FLT1: variants seen among roughly 807,000 people sequenced by gnomAD.
FLT1 encodes the protein vascular endothelial growth factor receptor 1.
FLT1 carries 49 observed loss-of-function variants against 156.3 expected under a neutral mutation model. That is an observed-to-expected ratio of 0.31 (90% confidence interval 0.25 to 0.40). The LOEUF (loss-of-function observed/expected upper bound fraction) is 0.40, where lower values mean the gene tolerates loss of function less well. Ranked by LOEUF, FLT1 falls within the 10% of genes least tolerant of loss-of-function variation. FLT1 has a pLI of 1.00. For synonymous variants in FLT1, 594 were observed against 583.8 expected, an observed-to-expected ratio of 1.02 and a Z score of -0.25; for missense variants, 1,322 against 1,637.2, an observed-to-expected ratio of 0.81 and a Z score of 3.32.
chr13:28,322,624 G>GT lies in FLT1; in HGVS notation c.2953+165dup, dbSNP rs1236905611. The GT allele has an allele frequency of 1.3e-6, 1 of 764,432 alleles. No homozygotes were observed. Among genetic ancestry groups the GT allele is most frequent in the African/African-American group, 1.7e-5 (1 of 57,846 alleles). 47.4% of individuals were successfully genotyped at this position (764,432 alleles called of 1,614,324 possible). On this transcript the variant is annotated intron_variant, in intron 21 of 29. Coordinates refer to ENST00000282397, the MANE Select transcript of FLT1 (RefSeq NM_002019.4). The surrounding 1 kb of genome is among the most constrained non-coding windows in gnomAD (Gnocchi z 4.3). ...ACGGTACAGTTCCCTGTCAAAATTA[G>GT]TAACTCTGTAAATTATCTTAATTCA... is the stretch of plus-strand genomic sequence containing the variant.
chr13:28,358,942 A>G (rs1233192506), intron 14 of FLT1, among the ~76,000 whole-genome samples: 1 of 152,140 alleles, frequency 6.6e-6, no homozygotes, highest in Non-Finnish European at 1.5e-5. Flanking sequence ...GTGAAATGAG[A>G]AACGGAAGCA....
chr13:28,385,507 T>A, intron 13 of FLT1: 1 of 1,010,532 alleles, frequency 9.9e-7, no homozygotes, highest in Non-Finnish European at 1.2e-6. Context: ...TACTCAACTG[T>A]CAGTAACCTA....
chr13:28,406,218 G>C (rs938119811), intron 10 of FLT1, among the ~76,000 whole-genome samples: 4 of 152,034 alleles, frequency 2.6e-5, no homozygotes, highest in African/African-American at 4.8e-5. Context: ...ATTCAAACAC[G>C]GAAAAAATGA....
intron 14 of FLT1, among the ~76,000 whole-genome samples, chr13:28,371,440 T>C (rs919667704): frequency 6.6e-6 from 1 of 152,160 alleles, no homozygotes; most frequent in Non-Finnish European, 1.5e-5. Flanking sequence ...GAACCTTCCC[T>C]TTGTCCCGCA....
intron 14 of FLT1, among the ~76,000 whole-genome samples, chr13:28,379,016 C>T (rs1003941642): frequency 2.0e-5 from 3 of 152,006 alleles, no homozygotes; most frequent in African/African-American, 7.3e-5. Context: ...GAATCACTTC[C>T]CTGGAAGGTG....
chr13:28,309,925 T>G (rs887915724), intron 27 of FLT1, among the ~76,000 whole-genome samples: 3 of 129,484 alleles, frequency 2.3e-5, no homozygotes, highest in African/African-American at 5.8e-5. Context: ...AGCCTTGCTC[T>G]GTCACCCAGG....
At position 28,494,967 on chromosome 13, in the gene FLT1, TC is replaced by T; in HGVS notation, c.-125del. 1.4e-6 allele frequency: 1 copy of T among 700,546 alleles called. No individual in the cohort carries two copies. 43.4% of individuals were successfully genotyped at this position (700,546 alleles called of 1,614,324 possible). ...GCGCCCTGAGCGCCCGTCTCGCGGC[TC>T]CAGCCAGGAGACAACCACTTCCCCG... On this transcript the variant is annotated 5_prime_UTR_variant, in exon 1 of 30. Transcript: ENST00000282397.
intron 11 of FLT1, among the ~76,000 whole-genome samples, chr13:28,403,367 G>A (rs1875580864): frequency 6.6e-6 from 1 of 152,058 alleles, no homozygotes; most frequent in Admixed American, 6.6e-5. Flanking sequence ...AGAAAATCTT[G>A]GGACGTTCTT....
intron 10 of FLT1, among the ~76,000 whole-genome samples, chr13:28,411,793 G>T (rs534769143): frequency 6.6e-6 from 1 of 152,134 alleles, no homozygotes; most frequent in African/African-American, 2.4e-5. Flanking sequence ...CCATTGTCTG[G>T]GAATGAATGT....
At chr13:28,472,662 T>C (rs1880239222) in intron 1 of FLT1, among the ~76,000 whole-genome samples, 1 of 152,208 alleles carries the variant, frequency 6.6e-6, no homozygotes, top group Non-Finnish European at 1.5e-5. Context: ...ATATAATTCA[T>C]GAAACATCTG....
At chr13:28,434,364 A>G in intron 4 of FLT1, 144 bp from the exon 5 acceptor site, 3 of 746,830 alleles carry the variant, frequency 4.0e-6, no homozygotes, top group Non-Finnish European at 6.6e-6. Context: ...AACTAGGTTA[A>G]AAACTCTAGT....
At chr13:28,399,233 G>T in intron 11 of FLT1, 3 of 557,646 alleles carry the variant, frequency 5.4e-6, no homozygotes, top group South Asian at 3.8e-5. Context: ...CTCAGATGAA[G>T]CCTTTTTAAG....
intron 12 of FLT1, among the ~76,000 whole-genome samples, chr13:28,393,461 C>G (rs1382107829): frequency 6.6e-6 from 1 of 152,148 alleles, no homozygotes; most frequent in African/African-American, 2.4e-5. Flanking sequence ...CTGCTTGTTT[C>G]AAGTGGATGC....
chr13:28,436,905 G>C (rs1240021556), intron 4 of FLT1, among the ~76,000 whole-genome samples: 1 of 152,130 alleles, frequency 6.6e-6, no homozygotes, highest in Non-Finnish European at 1.5e-5. Flanking sequence ...GTGGAGAGAG[G>C]TTTGATAACT....
rs1593825321 is a variant in FLT1 at position 28,466,142 on chromosome 13, C to T, written c.388+761G>A. Among the ~76,000 whole-genome samples the T allele has an allele frequency of 2.6e-5, 4 of 152,178 alleles. No individual in the cohort carries two copies. The East Asian group carries it at 7.7e-4, about 29-fold the overall frequency. On this transcript the variant is annotated intron_variant, in intron 3 of 29. Coordinates refer to ENST00000282397, the MANE Select transcript of FLT1 (RefSeq NM_002019.4). ...AACAAGGAAGAAGAAAGTGACAGGCCATTTTTATTATTCTTTCTCAGGGTT... is the reference window on the plus strand; with the variant it reads ...AACAAGGAAGAAGAAAGTGACAGGCTATTTTTATTATTCTTTCTCAGGGTT...
At chr13:28,474,519 CACACAA>C (rs1880438292) in intron 1 of FLT1, among the ~76,000 whole-genome samples, 1 of 149,934 alleles carries the variant, frequency 6.7e-6, no homozygotes, top group African/African-American at 2.5e-5. Context: ...CACACACACA[CACACAA>C]ACCCCACAAA....
intron 18 of FLT1, among the ~76,000 whole-genome samples, chr13:28,331,487 G>T (rs1871928773): frequency 6.6e-6 from 1 of 152,200 alleles, no homozygotes; most frequent in African/African-American, 2.4e-5. Flanking sequence ...CTGGAGTGCA[G>T]TGGCGTGATC....
rs1214257658 is a variant in FLT1 at position 28,339,202 on chromosome 13, G to C, written c.2454C>G (p.Ser818Arg). 2.5e-6 allele frequency: 4 copies of C among 1,614,014 alleles called. No individual in the cohort carries two copies. The highest frequency in any genetic ancestry group is 2.5e-6 in the Non-Finnish European group (3 of 1,180,008). Residue 818 changes from serine (S) to arginine (R), a missense_variant, in exon 17 of 30, where the codon AGC becomes AGG. This residue lies in a region of FLT1 where 991 missense variants were observed against 1,254.8 expected (regional missense o/e 0.79). Coordinates refer to ENST00000282397, the MANE Select transcript of FLT1 (RefSeq NM_002019.4). ...EQCERLPYDA[S>R]KWEFARERLK... ...GTCTCTCCCGGGCAAACTCCCACTT[G>C]CTGGCATCATAAGGGAGCCGCTCAC...
chr13:28,447,923 A>G (rs1242715580), intron 3 of FLT1, among the ~76,000 whole-genome samples: 1 of 151,992 alleles, frequency 6.6e-6, no homozygotes, highest in Non-Finnish European at 1.5e-5. Context: ...TCAGTAATAA[A>G]GACAAGCTAA....
Sources: gnomAD v4.1 joint callset for allele counts (sites outside exome capture counted in the v4.1 genomes callset) on GRCh38, gnomAD v4.1.1 for gene constraint, gnomAD v4.1.1 regional missense constraint, Gnocchi (gnomAD v3.1) non-coding constraint, MANE v1.5 for transcripts, NCBI Gene and HGNC (gene_info 2026-07-23, HGNC 2026-07-21) for gene names.